The following ENTREP3 variants were observed in gnomAD, a reference collection of about 807,000 sequenced individuals.
ENTREP3 encodes endosomal transmembrane epsin interactor 3, also known as protein ENTREP3.
At chr1:155,253,751 G>C in the ENTREP3 span, 7 of 1,607,640 alleles carry the variant, frequency 4.4e-6, no homozygotes, top group Admixed American at 6.9e-5. Context: ...GGGAAAGGAG[G>C]AGAGGAGTCA....
At chr1:155,253,482 C>T in the ENTREP3 span, 22 of 612,272 alleles carry the variant, frequency 3.6e-5, no homozygotes, top group Admixed American at 6.4e-5. Flanking sequence ...ATCCATTCCT[C>T]CAATAGATGA....
At chr1:155,254,805 G>A in the ENTREP3 span, 26 of 1,609,632 alleles carry the variant, frequency 1.6e-5, no homozygotes, top group Non-Finnish European at 2.1e-5. This position sits in a 1 kb window ranked among gnomAD's most constrained non-coding sequence, Gnocchi z 4.4. Context: ...CGGTGGAGGC[G>A]GAGGTGGGTA....
At chr1:155,255,461 G>T in the ENTREP3 span, 8 of 153,564 alleles carry the variant, frequency 5.2e-5, no homozygotes, top group Non-Finnish European at 1.0e-4. The surrounding 1 kb of genome is among the most constrained non-coding windows in gnomAD (Gnocchi z 5.6). Context: ...GCAGGTCGGG[G>T]ACTAGAGAAG....
chr1:155,254,055 CT>C, the ENTREP3 span: 1 of 1,613,894 alleles, frequency 6.2e-7, no homozygotes. This position sits in a 1 kb window ranked among gnomAD's most constrained non-coding sequence, Gnocchi z 4.4. Flanking sequence ...CCAGCCAGTT[CT>C]TTCCAGCTCT....
chr1:155,250,686 A>T, the ENTREP3 span: 1 of 1,612,668 alleles, frequency 6.2e-7, no homozygotes, highest in Non-Finnish European at 8.5e-7. This position sits in a 1 kb window ranked among gnomAD's most constrained non-coding sequence, Gnocchi z 5.4. Flanking sequence ...GCTGCGCTGG[A>T]TGGAGCGAAA....
At chr1:155,254,127 C>A in the ENTREP3 span, 1 of 1,614,116 alleles carries the variant, frequency 6.2e-7, no homozygotes, top group Non-Finnish European at 8.5e-7. The surrounding 1 kb of genome is among the most constrained non-coding windows in gnomAD (Gnocchi z 4.4). Context: ...AGCATTCTTA[C>A]AGGAGAGAAC....
chr1:155,254,746 C>T, the ENTREP3 span: 1 of 1,613,984 alleles, frequency 6.2e-7, no homozygotes. The surrounding 1 kb of genome is among the most constrained non-coding windows in gnomAD (Gnocchi z 4.4). Flanking sequence ...CCAGGATGCC[C>T]AGGAGCACTT....
the ENTREP3 span, chr1:155,252,217 T>G: frequency 3.2e-6 from 1 of 314,590 alleles, no homozygotes; most frequent in Non-Finnish European, 5.8e-6. Context: ...CTTCTTTTTT[T>G]TTTTGAGACA....
chr1:155,254,147 C>T, the ENTREP3 span: 3 of 1,614,100 alleles, frequency 1.9e-6, no homozygotes, highest in Non-Finnish European at 2.5e-6. This position sits in a 1 kb window ranked among gnomAD's most constrained non-coding sequence, Gnocchi z 4.4. Flanking sequence ...CAGAGCCAGC[C>T]ATGCTAAGCA....
chr1:155,247,346 G>A, the ENTREP3 span: 1 of 473,630 alleles, frequency 2.1e-6, no homozygotes, highest in Non-Finnish European at 4.2e-6. Flanking sequence ...GCAGCTAGAG[G>A]TGGCAGAGCT....
At chr1:155,254,961 C>T in the ENTREP3 span, 1 of 1,077,186 alleles carries the variant, frequency 9.3e-7, no homozygotes, top group Non-Finnish European at 1.4e-6. This position sits in a 1 kb window ranked among gnomAD's most constrained non-coding sequence, Gnocchi z 4.4. Context: ...CCCGTCCTTT[C>T]TCCTCTCCAC....
chr1:155,254,187 A>G, the ENTREP3 span: 1,687 of 1,613,398 alleles, frequency 1.0e-3, 20 homozygotes, highest in African/African-American at 0.02. The surrounding 1 kb of genome is among the most constrained non-coding windows in gnomAD (Gnocchi z 4.4). Context: ...CAAGGAGAAG[A>G]AGGAGATCTG....
the ENTREP3 span, chr1:155,251,810 C>G: frequency 6.3e-7 from 1 of 1,581,700 alleles, no homozygotes; most frequent in Non-Finnish European, 8.6e-7. Flanking sequence ...GGACAAATTC[C>G]TCCAGGTCCA....
the ENTREP3 span, chr1:155,254,582 G>T: frequency 6.4e-7 from 1 of 1,557,736 alleles, no homozygotes; most frequent in Non-Finnish European, 8.8e-7. The surrounding 1 kb of genome is among the most constrained non-coding windows in gnomAD (Gnocchi z 4.4). Flanking sequence ...GCAAGCATGT[G>T]GACTTGCAGC....
At chr1:155,248,056 A>C in the ENTREP3 span, 1 of 1,614,108 alleles carries the variant, frequency 6.2e-7, no homozygotes, top group Non-Finnish European at 8.5e-7. Context: ...CTACCTGCTT[A>C]TGTCCATGAG....
At chr1:155,253,963 C>G in the ENTREP3 span, 1 of 1,612,968 alleles carries the variant, frequency 6.2e-7, no homozygotes, top group Non-Finnish European at 8.5e-7. Flanking sequence ...GGACAGCACA[C>G]ACAGACCTTT....
At chr1:155,251,842 C>A in the ENTREP3 span, 1 of 1,541,268 alleles carries the variant, frequency 6.5e-7, no homozygotes, top group Admixed American at 2.3e-5. Context: ...AGGAGAGGGG[C>A]TGGGGGCGGG....
At chr1:155,253,870 C>T in the ENTREP3 span, 4 of 1,612,936 alleles carry the variant, frequency 2.5e-6, no homozygotes, top group African/African-American at 4.0e-5. Context: ...TTGAGGGCCC[C>T]TCGGGCTTCA....
the ENTREP3 span, chr1:155,253,335 G>A: frequency 9.0e-6 from 3 of 333,918 alleles, no homozygotes; most frequent in African/African-American, 4.3e-5. Context: ...ATGAGCCACC[G>A]TGCCCAGCAT....
Sources: allele counts gnomAD v4.1 joint callset, GRCh38; gene constraint gnomAD v4.1.1; non-coding constraint Gnocchi (gnomAD v3.1); transcripts MANE v1.5; gene names NCBI Gene and HGNC (gene_info 2026-07-23, HGNC 2026-07-21).